The following MBD5 variants were observed in gnomAD, a reference collection of about 807,000 sequenced individuals.
The protein encoded by MBD5 is methyl-CpG-binding domain protein 5.
A neutral mutation model predicts 117.3 loss-of-function variants in MBD5; 13 were observed. The ratio of observed to expected loss-of-function variants is 0.11; its 90% CI spans 0.07 to 0.18. The LOEUF is 0.18. Among genes scored for constraint, MBD5 ranks in the 10% least tolerant of loss-of-function variants. The pLI, the probability that MBD5 is intolerant of heterozygous loss-of-function variation, is 1.00. For synonymous variants in MBD5, 727 were observed against 766.4 expected (o/e 0.95, Z 0.85); for missense variants, 1,879 against 2,093.8 (o/e 0.90, Z 2.00).
chr2:148,028,413 G>GT (rs1693956005), intron 1 of MBD5: 1 of 151,952 alleles, frequency 6.6e-6, no homozygotes, highest in African/African-American at 2.4e-5. Flanking sequence ...TTTAATATCT[G>GT]TATCTCAGAA....
chr2:148,489,469 C>T lies in MBD5; in HGVS notation c.3837C>T (p.Asn1279=), dbSNP rs772658882. The T allele has an allele frequency of 1.2e-6, 2 of 1,614,170 alleles. No individual in the cohort carries two copies. The highest frequency in any genetic ancestry group is 1.7e-6 in the Non-Finnish European group (2 of 1,180,034). Residue 1279 remains asparagine (N), a synonymous_variant, in exon 11 of 14, where the codon AAC becomes AAT. Transcript: ENST00000642680. ...TCACAGCACTTCCTGAGAATCCAAA[C>T]ACTACACTTCCACCTTTTCAAGATA... ...PGLTALPENP[N]TTLPPFQDTP... is the part of the protein sequence containing the mutation.
intron 3 of MBD5, among the ~76,000 whole-genome samples, chr2:148,242,043 G>C (rs1250646095): frequency 6.6e-6 from 1 of 151,974 alleles, no homozygotes; most frequent in Non-Finnish European, 1.5e-5. Flanking sequence ...TTGGATTCCT[G>C]GTTCTGCTGT....
intron 2 of MBD5, among the ~76,000 whole-genome samples, chr2:148,199,211 G>C (rs1158537366): frequency 6.6e-6 from 1 of 151,984 alleles, no homozygotes; most frequent in Non-Finnish European, 1.5e-5. Flanking sequence ...AGTAGATGAG[G>C]CTCATTCAGA....
intron 1 of MBD5, among the ~76,000 whole-genome samples, chr2:148,143,716 C>G (rs1258449768): frequency 6.6e-6 from 1 of 152,094 alleles, no homozygotes; most frequent in African/African-American, 2.4e-5. Context: ...GGTTTTCTGT[C>G]CTTGCGACAG....
intron 3 of MBD5, among the ~76,000 whole-genome samples, chr2:148,277,704 G>A (rs1701148567): frequency 6.6e-6 from 1 of 151,954 alleles, no homozygotes; most frequent in South Asian, 2.1e-4. Flanking sequence ...CATCAGTCCT[G>A]CTAGAGATTG....
chr2:148,257,449 G>A (rs540978056), intron 3 of MBD5, among the ~76,000 whole-genome samples: 1 of 152,312 alleles, frequency 6.6e-6, no homozygotes, highest in Non-Finnish European at 1.5e-5. Context: ...CTGGAGATAT[G>A]CCTGAATCTC....
intron 4 of MBD5, among the ~76,000 whole-genome samples, chr2:148,400,219 T>C (rs182464547): frequency 6.6e-6 from 1 of 152,346 alleles, no homozygotes; most frequent in East Asian, 1.9e-4. Context: ...TTTTCTTTTT[T>C]ACTTTTTTTA....
chr2:148,116,711 T>A (rs1325039843), intron 1 of MBD5, among the ~76,000 whole-genome samples: 1 of 152,240 alleles, frequency 6.6e-6, no homozygotes, highest in African/African-American at 2.4e-5. Flanking sequence ...TCCTGTTTCT[T>A]GCAGTATCTC....
At chr2:148,348,223 T>C (rs756194285) in intron 4 of MBD5, among the ~76,000 whole-genome samples, 4 of 151,910 alleles carry the variant, frequency 2.6e-5, no homozygotes, top group Admixed American at 6.6e-5. Flanking sequence ...TTCCTCCCCA[T>C]ACCTTTTTGC....
intron 3 of MBD5, among the ~76,000 whole-genome samples, chr2:148,329,967 C>T (rs17276501): frequency 0.27 from 40,008 of 148,548 alleles, 6,254 homozygotes; most frequent in Admixed American, 0.35. Flanking sequence ...CAGTTCATCC[C>T]AGAAACATTG....
At chr2:148,374,108 C>A (rs1703926796) in intron 4 of MBD5, among the ~76,000 whole-genome samples, 1 of 151,962 alleles carries the variant, frequency 6.6e-6, no homozygotes. Context: ...GGTACTCAAC[C>A]TATATACCAA....
intron 3 of MBD5, among the ~76,000 whole-genome samples, chr2:148,335,879 A>T (rs1420652655): frequency 6.6e-6 from 1 of 152,206 alleles, no homozygotes; most frequent in Non-Finnish European, 1.5e-5. Flanking sequence ...ATGGATGAAG[A>T]CTCAAAGATT....
intron 1 of MBD5, among the ~76,000 whole-genome samples, chr2:148,070,075 G>A (rs956274078): frequency 1.3e-5 from 2 of 152,102 alleles, no homozygotes; most frequent in Admixed American, 6.6e-5. Context: ...CCATTTACCA[G>A]CCTCTCTTCA....
rs1060501151 is a variant in MBD5 at position 148,512,905 on chromosome 2, A to AC, written c.5154dup (p.Lys1719GlnfsTer22). On this transcript the variant is annotated frameshift_variant, in exon 14 of 14. Transcript: ENST00000642680. LOFTEE classifies it high-confidence loss of function. ...TCCCACAGGGTGACAGACAAATGAGACCCCCCAAACCCAAGAGGAGGAAGA... is the reference window on the plus strand; with the variant it reads ...TCCCACAGGGTGACAGACAAATGAGACCCCCCCAAACCCAAGAGGAGGAAGA... 4 of 1,613,516 alleles carry AC rather than the reference A, an allele frequency of 2.5e-6. No individual in the cohort carries two copies. The highest frequency in any genetic ancestry group is 1.1e-5 in the South Asian group (1 of 91,074).
intron 11 of MBD5, among the ~76,000 whole-genome samples, chr2:148,497,951 G>A (rs1681753313): frequency 6.6e-6 from 1 of 152,148 alleles, no homozygotes; most frequent in African/African-American, 2.4e-5. Context: ...AAGATGTGCA[G>A]AATTATCCCC....
chr2:148,088,089 A>G (rs1447096303), intron 1 of MBD5, among the ~76,000 whole-genome samples: 1 of 152,168 alleles, frequency 6.6e-6, no homozygotes, highest in African/African-American at 2.4e-5. Flanking sequence ...AATTTCAACA[A>G]TAGAATCAAA....
intron 3 of MBD5, among the ~76,000 whole-genome samples, chr2:148,242,928 C>T (rs1436074098): frequency 6.6e-6 from 1 of 152,110 alleles, no homozygotes; most frequent in East Asian, 1.9e-4. Context: ...GTTTCAAAAA[C>T]GTTTTGCTAT....
rs35925701 is a variant in MBD5, at chr2:148,060,132, C to CAAAAAAAAAAA, written c.-925+38468_-925+38478dup. On this transcript the variant is annotated intron_variant, in intron 1 of 13. Coordinates refer to ENST00000642680, the MANE Select transcript of MBD5 (RefSeq NM_001378120.1). The stretch of plus-strand genomic sequence containing the variant: ...TGAAACCCTGTCTCTACAAAAAGTG[C>CAAAAAAAAAAA]AAAAAAAAAAAAAAAAAAAAAAAAA... Among the ~76,000 whole-genome samples, 64 of 14,048 alleles carry CAAAAAAAAAAA rather than the reference C, an allele frequency of 4.6e-3. 19 individuals carry two copies. Among genetic ancestry groups the CAAAAAAAAAAA allele is most frequent in the African/African-American group, 6.6e-3 (19 of 2,884 alleles). The allele number at this position is 14,048 out of a possible 152,430, so 9.2% of individuals were successfully genotyped here. A position where few individuals can be genotyped will look rare whatever the true frequency, so the allele number is the denominator to read the frequency against.
At chr2:148,330,115 A>ACACACACACACACTCACT in intron 3 of MBD5, among the ~76,000 whole-genome samples, 1 of 127,526 alleles carries the variant, frequency 7.8e-6, no homozygotes, top group Admixed American at 9.1e-5. Flanking sequence ...ACACACACAC[A>ACACACACACACACTCACT]CACTCTACCT....
Sources: gnomAD v4.1 joint callset for allele counts (sites outside exome capture counted in the v4.1 genomes callset) on GRCh38, gnomAD v4.1.1 for gene constraint, MANE v1.5 for transcripts, NCBI Gene and HGNC (gene_info 2026-07-23, HGNC 2026-07-21) for gene names.